Variants in MAD1L1 observed in about 807,000 individuals in gnomAD.
The protein encoded by MAD1L1 is mitotic spindle assembly checkpoint protein MAD1.
Under a neutral mutation model 96.9 loss-of-function variants are expected in MAD1L1, and 95 were observed. The observed-to-expected ratio is 0.98, with a 90% CI of 0.83 to 1.16. The LOEUF is 1.16. Ranked by LOEUF, MAD1L1 falls within the 50% of genes most tolerant of loss-of-function variation. MAD1L1 has a pLI of 0.00. For missense variants in MAD1L1, 1,007 were observed against 954.4 expected (o/e 1.06, Z -0.73); for synonymous variants, 473 against 396.6 (o/e 1.19, Z -2.29).
rs187050522 is a variant in MAD1L1, at chr7:1,882,995, G to A, written c.1998+15205C>T. On this transcript the variant is annotated intron_variant, in intron 18 of 18. Transcript: ENST00000265854. ...AACCAGCTCCTTATCACCAAACCTC[G>A]TGCCACAAACGGCCCCAGGAACCAG... Among the ~76,000 whole-genome samples, 4 of 107,158 alleles carry A rather than the reference G, an allele frequency of 3.7e-5. 1 individual carries two copies. In the Admixed American group the frequency reaches 4.1e-4, roughly 11 times the overall value. The allele number at this position is 107,158 out of a possible 152,430, so 70.3% of individuals were successfully genotyped here.
In MAD1L1 at chr7:2,092,985, C is replaced by A. The variant is rs373320453; in HGVS notation, c.1074-23647G>T. 3.3e-5 allele frequency among the ~76,000 whole-genome samples: 5 copies of A among 151,948 alleles called. No homozygotes were observed. The East Asian group carries it at 9.6e-4, about 29-fold the overall frequency. ...GAGTGCAGTGGCTCACACCTGTAAT[C>A]CCAGTACTTTGGGAGGCTGAGGCGG... On this transcript the variant is annotated intron_variant, in intron 11 of 18. Coordinates refer to ENST00000265854, the MANE Select transcript of MAD1L1 (RefSeq NM_001013836.2).
chr7:2,150,367 A>T (rs1252118200), intron 10 of MAD1L1, among the ~76,000 whole-genome samples: 3 of 151,948 alleles, frequency 2.0e-5, no homozygotes, highest in Non-Finnish European at 2.9e-5. Flanking sequence ...CACGCTGCAA[A>T]CCTCACGCAC....
intron 11 of MAD1L1, among the ~76,000 whole-genome samples, chr7:2,097,597 G>A (rs1309218669): frequency 6.6e-6 from 1 of 152,210 alleles, no homozygotes; most frequent in Non-Finnish European, 1.5e-5. Flanking sequence ...AGCTATGAGG[G>A]TGAGAACCCA....
At chr7:1,979,277 G>C (rs185510813) in intron 15 of MAD1L1, among the ~76,000 whole-genome samples, 192 of 152,316 alleles carry the variant, frequency 1.3e-3, no homozygotes, top group Non-Finnish European at 2.4e-3. Context: ...GTCCCCTGGA[G>C]CTGTCTCAGT....
At chr7:2,006,471 C>T (rs1376029138) in intron 13 of MAD1L1, among the ~76,000 whole-genome samples, 5 of 152,196 alleles carry the variant, frequency 3.3e-5, no homozygotes, top group African/African-American at 1.2e-4. Flanking sequence ...AACGTCCACT[C>T]CTCCCTCACC....
chr7:1,906,897 C>A (rs533112638), intron 17 of MAD1L1, among the ~76,000 whole-genome samples: 1 of 152,348 alleles, frequency 6.6e-6, no homozygotes, highest in South Asian at 2.1e-4. Context: ...TCCGTTTATC[C>A]CCGAACACGT....
chr7:2,054,316 C>T (rs1453812042), intron 12 of MAD1L1, among the ~76,000 whole-genome samples: 3 of 152,226 alleles, frequency 2.0e-5, no homozygotes, highest in Non-Finnish European at 2.9e-5. Flanking sequence ...GTCGGGCGCA[C>T]GTGGAGGGCT....
At chr7:2,015,219 G>A (rs575397175) in intron 12 of MAD1L1, among the ~76,000 whole-genome samples, 98 of 152,298 alleles carry the variant, frequency 6.4e-4, no homozygotes, top group African/African-American at 2.0e-3. Flanking sequence ...GAAACCCATC[G>A]CTCGTCCAAC....
intron 18 of MAD1L1, 61 bp from the exon 19 acceptor site, chr7:1,816,289 C>A: frequency 1.3e-6 from 2 of 1,483,822 alleles, no homozygotes; most frequent in African/African-American, 1.4e-5. Flanking sequence ...CTCCCTCTCC[C>A]CTCCCTCCCT....
chr7:2,219,540 G>T, intron 5 of MAD1L1, 84 bp from the exon 6 acceptor site: 1 of 1,485,142 alleles, frequency 6.7e-7, no homozygotes, highest in South Asian at 1.2e-5. Context: ...GAGAAGAGTG[G>T]AGAGGCGACA....
At chr7:2,096,553 C>T (rs950308768) in intron 11 of MAD1L1, among the ~76,000 whole-genome samples, 8 of 149,206 alleles carry the variant, frequency 5.4e-5, no homozygotes, top group Admixed American at 3.3e-4. Flanking sequence ...TTGGGCAGGG[C>T]GGGGCGGGCA....
chr7:1,861,197 C>T (rs1463898189), intron 18 of MAD1L1, among the ~76,000 whole-genome samples: 4 of 152,146 alleles, frequency 2.6e-5, no homozygotes, highest in East Asian at 3.8e-4. Context: ...GGCTGGGGCT[C>T]GGCCACGGCT....
chr7:2,028,730 C>T lies in MAD1L1; in HGVS notation c.1219-14088G>A, dbSNP rs118125244. On this transcript the variant is annotated intron_variant, in intron 12 of 18. Transcript: ENST00000265854. Reference sequence around the variant, plus strand: ...TGCCAAAAAGAGATGAACACACCAACGAAACAATACAGATTCCAGAAACAG... The same window carrying T: ...TGCCAAAAAGAGATGAACACACCAATGAAACAATACAGATTCCAGAAACAG... 8.5e-4 allele frequency among the ~76,000 whole-genome samples: 129 copies of T among 152,218 alleles called. No individual in the cohort carries two copies. In the East Asian group the frequency reaches 0.012, roughly 14 times the overall value.
rs113446087 is a variant in MAD1L1, at chr7:2,066,251, G to A, written c.1218+2943C>T. ...TCCTGGGTGCGCCTTGAGAGAAGGC[G>A]CTCCTCGACCACCCCAGCTGGGCGG... On this transcript the variant is annotated intron_variant, in intron 12 of 18. Coordinates refer to ENST00000265854, the MANE Select transcript of MAD1L1 (RefSeq NM_001013836.2). 1.6e-3 allele frequency among the ~76,000 whole-genome samples: 245 copies of A among 152,306 alleles called. 2 individuals carry two copies. The highest frequency in any genetic ancestry group is 5.6e-3 in the African/African-American group (232 of 41,574).
intron 11 of MAD1L1, among the ~76,000 whole-genome samples, chr7:2,141,356 G>C (rs1319032937): frequency 6.6e-6 from 1 of 152,254 alleles, no homozygotes; most frequent in Non-Finnish European, 1.5e-5. Flanking sequence ...GGATGGGCTG[G>C]ACCCCCTCTC....
intron 11 of MAD1L1, among the ~76,000 whole-genome samples, chr7:2,128,900 G>A (rs1788370118): frequency 6.6e-6 from 1 of 152,170 alleles, no homozygotes; most frequent in South Asian, 2.1e-4. Context: ...CTTCCCACGC[G>A]GCAGTCAGGC....
chr7:1,936,964 C>G, intron 16 of MAD1L1, 67 bp from the exon 17 acceptor site: 1 of 1,246,120 alleles, frequency 8.0e-7, no homozygotes, highest in Non-Finnish European at 1.1e-6. Flanking sequence ...TCACACACAG[C>G]ATGGGTCACC....
At chr7:1,853,371 C>T (rs750283121) in intron 18 of MAD1L1, among the ~76,000 whole-genome samples, 1 of 152,158 alleles carries the variant, frequency 6.6e-6, no homozygotes, top group African/African-American at 2.4e-5. Context: ...CTGGAAAGAG[C>T]GGAGGTGGAG....
intron 18 of MAD1L1, among the ~76,000 whole-genome samples, chr7:1,882,829 C>T (rs537892287): frequency 8.5e-5 from 13 of 152,374 alleles, no homozygotes; most frequent in East Asian, 3.9e-4. Context: ...TGGGTCGGTG[C>T]TGAGGTGAGA....
Sources: allele counts gnomAD v4.1 joint callset (sites outside exome capture counted in the v4.1 genomes callset), GRCh38; gene constraint gnomAD v4.1.1; transcripts MANE v1.5; gene names NCBI Gene and HGNC (gene_info 2026-07-23, HGNC 2026-07-21).